Variants in TTC29 observed in about 807,000 individuals in gnomAD.
TTC29 encodes tetratricopeptide repeat protein 29.
Under a neutral mutation model 58.1 loss-of-function variants are expected in TTC29, and 49 were observed. The observed-to-expected ratio is 0.84, with a 90% CI of 0.67 to 1.07. The LOEUF (loss-of-function observed/expected upper bound fraction) is 1.07. Ranked by LOEUF, TTC29 falls within the 50% of genes least tolerant of loss-of-function variation. The probability of loss-of-function intolerance (pLI) is 0.00; values close to 1 mark genes in which losing one functional copy is unlikely to be tolerated. For synonymous variants in TTC29, 209 were observed against 196.8 expected (o/e 1.06, Z -0.52); for missense variants, 582 against 555.6 (o/e 1.05, Z -0.48).
chr4:146,846,725 C>T (rs992165070), intron 8 of TTC29, among the ~76,000 whole-genome samples: 7 of 152,308 alleles, frequency 4.6e-5, no homozygotes, highest in Non-Finnish European at 8.8e-5. Flanking sequence ...TCCACATGAA[C>T]TGATTACCAT....
Position 146,808,371 on chromosome 4 carries a change from T to C in TTC29, c.1102-4686A>G, listed in dbSNP as rs548252953. Among the ~76,000 whole-genome samples the C allele has an allele frequency of 3.3e-5, 5 of 152,290 alleles. No individual in the cohort carries two copies. The East Asian group carries it at 9.6e-4, about 29-fold the overall frequency. On this transcript the variant is annotated intron_variant, in intron 10 of 12. Transcript: ENST00000325106. ...CTCTCACCACTCCTATTCAACATAG[T>C]ATTGGAAGTTCTGGCCAGGGCAATC...
intron 11 of TTC29, among the ~76,000 whole-genome samples, chr4:146,796,560 T>C (rs1749848555): frequency 6.6e-6 from 1 of 152,118 alleles, no homozygotes; most frequent in African/African-American, 2.4e-5. Context: ...ACATGACTAC[T>C]GAAAAAAAAT....
intron 11 of TTC29, among the ~76,000 whole-genome samples, chr4:146,756,482 A>G (rs901350201): frequency 6.6e-6 from 1 of 152,136 alleles, no homozygotes; most frequent in African/African-American, 2.4e-5. Context: ...TTAAAGTTTC[A>G]CTGTCTGTTT....
intron 6 of TTC29, among the ~76,000 whole-genome samples, chr4:146,888,916 C>T (rs980865107): frequency 6.6e-6 from 1 of 152,136 alleles, no homozygotes. Context: ...GATTAAATAA[C>T]TCACCTAGAT....
chr4:146,931,397 C>A (rs1047200755), intron 4 of TTC29, among the ~76,000 whole-genome samples: 1 of 151,990 alleles, frequency 6.6e-6, no homozygotes, highest in Non-Finnish European at 1.5e-5. Context: ...TGCTTAAAAG[C>A]CAAAGAAAAA....
intron 9 of TTC29, among the ~76,000 whole-genome samples, chr4:146,820,963 C>T (rs561007481): frequency 3.6e-4 from 54 of 150,846 alleles, no homozygotes; most frequent in Admixed American, 1.8e-3. Context: ...ACCTGGGAGG[C>T]GGAGCTTGCA....
At chr4:146,771,217 T>C (rs1287836210) in intron 11 of TTC29, among the ~76,000 whole-genome samples, 1 of 152,110 alleles carries the variant, frequency 6.6e-6, no homozygotes, top group African/African-American at 2.4e-5. Context: ...GTTTTATGGT[T>C]AGGTTTTAGT....
At chr4:146,876,966 T>C (rs1731304226) in intron 6 of TTC29, among the ~76,000 whole-genome samples, 1 of 148,768 alleles carries the variant, frequency 6.7e-6, no homozygotes, top group African/African-American at 2.5e-5. Context: ...CAAAATTTAG[T>C]AGACATGGAC....
intron 8 of TTC29, among the ~76,000 whole-genome samples, chr4:146,864,443 C>A (rs1342308459): frequency 6.6e-6 from 1 of 152,156 alleles, no homozygotes; most frequent in Non-Finnish European, 1.5e-5. Flanking sequence ...TTATTATAAA[C>A]CAGGCAGACA....
At chr4:146,919,117 T>A (rs934076158) in intron 4 of TTC29, among the ~76,000 whole-genome samples, 4 of 151,076 alleles carry the variant, frequency 2.6e-5, no homozygotes, top group African/African-American at 7.3e-5. Flanking sequence ...TGTAGAAAAA[T>A]TTTAAGCCAA....
chr4:146,945,373 TAC>T (rs1736834778), intron 1 of TTC29: 1 of 152,212 alleles, frequency 6.6e-6, no homozygotes, highest in Non-Finnish European at 1.5e-5. Flanking sequence ...ATTTACGAGA[TAC>T]AGTTATCTTT....
At chr4:146,927,944 G>A (rs1163154559) in intron 4 of TTC29, among the ~76,000 whole-genome samples, 1 of 152,116 alleles carries the variant, frequency 6.6e-6, no homozygotes, top group Admixed American at 6.6e-5. Context: ...AGCAGCAATG[G>A]CCTCAGCTCT....
chr4:146,945,303 A>G (rs1290359308), intron 1 of TTC29: 1 of 152,244 alleles, frequency 6.6e-6, no homozygotes, highest in Non-Finnish European at 1.5e-5. Flanking sequence ...TGAAATATGT[A>G]TATGTATTGA....
intron 4 of TTC29, among the ~76,000 whole-genome samples, chr4:146,912,089 A>T (rs182609141): frequency 6.6e-6 from 1 of 151,376 alleles, no homozygotes; most frequent in South Asian, 2.1e-4. Flanking sequence ...ACTAACACTA[A>T]CAATAGCTGA....
intron 11 of TTC29, among the ~76,000 whole-genome samples, chr4:146,717,153 T>A (rs1457748436): frequency 6.6e-6 from 1 of 152,016 alleles, no homozygotes; most frequent in Non-Finnish European, 1.5e-5. Context: ...GAAAAAGGAG[T>A]TGTAGCTGCT....
chr4:146,944,803 GCTCC>G (rs1560748652), intron 2 of TTC29, among the ~76,000 whole-genome samples: 1 of 128,488 alleles, frequency 7.8e-6, no homozygotes, highest in African/African-American at 3.2e-5. Context: ...CACTAATTAT[GCTCC>G]CTAAGTAAAA....
At chr4:146,728,763 A>ATATATATGTGTATATATACG (rs1743995064) in intron 11 of TTC29, among the ~76,000 whole-genome samples, 1 of 65,090 alleles carries the variant, frequency 1.5e-5, no homozygotes, top group Non-Finnish European at 3.9e-5. Context: ...ATATATGTAC[A>ATATATATGTGTATATATACG]TATATATACA....
At chr4:146,822,123 A>ATTT (rs1283996533) in intron 9 of TTC29, among the ~76,000 whole-genome samples, 4,341 of 124,452 alleles carry the variant, frequency 0.035, 162 homozygotes, top group African/African-American at 0.1. Flanking sequence ...TTTTCTTTTA[A>ATTT]AAAAAAAAAA....
Position 146,753,005 on chromosome 4 carries a change from T to C in TTC29, c.1331-45454A>G, listed in dbSNP as rs534710277. ...CATAGGCATGGGCAAGGACTTCATGTCTAAAAAACCAAAAGCAATGGCAAC... is the reference window on the plus strand; with the variant it reads ...CATAGGCATGGGCAAGGACTTCATGCCTAAAAAACCAAAAGCAATGGCAAC... On this transcript the variant is annotated intron_variant, in intron 11 of 12. Transcript: ENST00000325106. 4.4e-4 allele frequency among the ~76,000 whole-genome samples: 67 copies of C among 152,170 alleles called. No homozygotes were observed. In the East Asian group the frequency reaches 0.011, roughly 26 times the overall value.
Sources: gnomAD v4.1 joint callset for allele counts (sites outside exome capture counted in the v4.1 genomes callset) on GRCh38, gnomAD v4.1.1 for gene constraint, MANE v1.5 for transcripts, NCBI Gene and HGNC (gene_info 2026-07-23, HGNC 2026-07-21) for gene names.